PTTG1IP2: variants seen among roughly 807,000 people sequenced by gnomAD.
PTTG1IP2 encodes PTTG1IP family member 2.
chr7:90,512,318 AAAG>A (rs766468229), intron 6 of PTTG1IP2, among the ~76,000 whole-genome samples: 7 of 152,188 alleles, frequency 4.6e-5, no homozygotes, highest in Non-Finnish European at 8.8e-5. Flanking sequence ...GCTGGGAAGA[AAAG>A]AAGGGAGTAA....
At chr7:90,492,085 C>T (rs927908447) in intron 4 of PTTG1IP2, among the ~76,000 whole-genome samples, 154 bp from the exon 5 acceptor site, 3 of 152,010 alleles carry the variant, frequency 2.0e-5, no homozygotes, top group African/African-American at 4.8e-5. Flanking sequence ...GAGCTGTGAT[C>T]GTGCCACTGC....
intron 2 of PTTG1IP2, among the ~76,000 whole-genome samples, chr7:90,487,093 G>A (rs531672845): frequency 2.9e-4 from 44 of 152,270 alleles, no homozygotes; most frequent in African/African-American, 9.4e-4. Context: ...CCCTATCGTC[G>A]TCCAAGAAGA....
intron 6 of PTTG1IP2, among the ~76,000 whole-genome samples, chr7:90,494,702 C>T (rs1797973759): frequency 6.6e-6 from 1 of 152,044 alleles, no homozygotes; most frequent in Non-Finnish European, 1.5e-5. Flanking sequence ...GACAATATAG[C>T]GAGATTCCAT....
At chr7:90,472,596 T>A (rs1462618822) in intron 1 of PTTG1IP2, among the ~76,000 whole-genome samples, 1 of 152,226 alleles carries the variant, frequency 6.6e-6, no homozygotes, top group Non-Finnish European at 1.5e-5. Flanking sequence ...TGTCACATAC[T>A]CTAAGCTTAC....
intron 2 of PTTG1IP2, among the ~76,000 whole-genome samples, chr7:90,480,886 C>A (rs1365708982): frequency 6.6e-6 from 1 of 152,128 alleles, no homozygotes; most frequent in Admixed American, 6.5e-5. Flanking sequence ...TGGTCACATC[C>A]TAAAAGGATT....
chr7:90,489,136 A>AT (rs1797910416), intron 4 of PTTG1IP2, among the ~76,000 whole-genome samples, 172 bp downstream of exon 4: 2 of 151,784 alleles, frequency 1.3e-5, no homozygotes. Flanking sequence ...GAAAAAAAAA[A>AT]AAAGTTTAAC....
chr7:90,491,361 G>A (rs185549130), intron 4 of PTTG1IP2, among the ~76,000 whole-genome samples: 9 of 152,222 alleles, frequency 5.9e-5, no homozygotes, highest in Non-Finnish European at 1.2e-4. Flanking sequence ...GCTGGCTCAC[G>A]CCCGTAATCC....
intron 6 of PTTG1IP2, among the ~76,000 whole-genome samples, chr7:90,508,830 G>A (rs995577758): frequency 1.6e-4 from 25 of 152,314 alleles, no homozygotes; most frequent in African/African-American, 5.1e-4. Flanking sequence ...GAAACGTAGC[G>A]TGGTGAATGG....
intron 5 of PTTG1IP2, among the ~76,000 whole-genome samples, chr7:90,493,429 C>T (rs17865244): frequency 0.023 from 3,522 of 152,252 alleles, 127 homozygotes; most frequent in African/African-American, 0.075. Flanking sequence ...CTGCTTCTTC[C>T]GAAGGTTGAA....
chr7:90,488,307 T>C (rs1797899734), intron 3 of PTTG1IP2, among the ~76,000 whole-genome samples: 1 of 117,160 alleles, frequency 8.5e-6, no homozygotes, highest in African/African-American at 2.9e-5. Context: ...TTACACTTCT[T>C]GTAACTAGTA....
chr7:90,485,637 C>A (rs1797865567), intron 2 of PTTG1IP2, among the ~76,000 whole-genome samples: 2 of 152,236 alleles, frequency 1.3e-5, no homozygotes, highest in South Asian at 4.1e-4. Context: ...AGTCTAGCTG[C>A]TACCAAAGGA....
intron 4 of PTTG1IP2, among the ~76,000 whole-genome samples, chr7:90,489,183 C>T (rs149492809): frequency 6.6e-6 from 1 of 150,496 alleles, no homozygotes; most frequent in Non-Finnish European, 1.5e-5. Context: ...CACTGTCTTC[C>T]CAGAAGTAAT....
intron 4 of PTTG1IP2, among the ~76,000 whole-genome samples, chr7:90,490,836 G>A (rs993623874): frequency 2.6e-5 from 4 of 151,992 alleles, no homozygotes; most frequent in African/African-American, 4.8e-5. Flanking sequence ...TCTTTTGTCC[G>A]CATTTTAAAT....
intron 1 of PTTG1IP2, among the ~76,000 whole-genome samples, chr7:90,478,431 G>A (rs1797776957): frequency 6.6e-6 from 1 of 152,134 alleles, no homozygotes; most frequent in Admixed American, 6.5e-5. Flanking sequence ...CGGCTAGGAG[G>A]AAGTAACATT....
chr7:90,498,230 T>C lies in PTTG1IP2; in HGVS notation c.*50+3800T>C, dbSNP rs111870483. 7.9e-5 allele frequency among the ~76,000 whole-genome samples: 12 copies of C among 152,288 alleles called. No homozygotes were observed. In the South Asian group the frequency reaches 1.0e-3, roughly 13 times the overall value. Reference sequence around the variant, plus strand: ...TTAGTAGAGACGGGGTTTCACTGTGTTAGCCAGGATGGTCTCGATCTCCTG... The same window carrying C: ...TTAGTAGAGACGGGGTTTCACTGTGCTAGCCAGGATGGTCTCGATCTCCTG... On this transcript the variant is annotated intron_variant, in intron 6 of 6. Coordinates refer to ENST00000509356, the MANE Select transcript of PTTG1IP2 (RefSeq NM_001365443.2).
At chr7:90,494,662 A>G (rs948918907) in intron 6 of PTTG1IP2, among the ~76,000 whole-genome samples, 1 of 152,132 alleles carries the variant, frequency 6.6e-6, no homozygotes, top group African/African-American at 2.4e-5. Flanking sequence ...AGGGAGGATC[A>G]CCTGAGGCCA....
intron 2 of PTTG1IP2, among the ~76,000 whole-genome samples, chr7:90,486,355 G>C (rs1300124687): frequency 6.9e-6 from 1 of 143,896 alleles, no homozygotes; most frequent in Non-Finnish European, 1.5e-5. Flanking sequence ...AGATCACCGG[G>C]TTGTCATGAG....
chr7:90,513,043 G>A (rs999456318), intron 6 of PTTG1IP2, among the ~76,000 whole-genome samples: 2 of 152,188 alleles, frequency 1.3e-5, no homozygotes, highest in African/African-American at 4.8e-5. Context: ...ATGTTAGTTT[G>A]GGTAATTGAA....
At chr7:90,494,581 G>A (rs114563014) in intron 6 of PTTG1IP2, among the ~76,000 whole-genome samples, 151 bp downstream of exon 6, 174 of 152,280 alleles carry the variant, frequency 1.1e-3, no homozygotes, top group African/African-American at 3.9e-3. Context: ...CCCAAAACAT[G>A]TAATAGAAGG....
Sources: allele counts gnomAD v4.1 joint callset (sites outside exome capture counted in the v4.1 genomes callset), GRCh38; gene constraint gnomAD v4.1.1; transcripts MANE v1.5; gene names NCBI Gene and HGNC (gene_info 2026-07-23, HGNC 2026-07-21).